The following ARHGAP10 variants were observed in gnomAD, a reference collection of about 807,000 sequenced individuals.
ARHGAP10 encodes the protein rho GTPase-activating protein 10.
In ARHGAP10, 87 loss-of-function variants were observed where a neutral mutation model predicts 108.6. The ratio of observed to expected loss-of-function variants is 0.80; its 90% CI spans 0.67 to 0.96. The LOEUF (loss-of-function observed/expected upper bound fraction) is 0.96. Ranked by LOEUF, ARHGAP10 falls within the 40% of genes least tolerant of loss-of-function variation. ARHGAP10 has a pLI of 0.00. For synonymous variants in ARHGAP10, 347 were observed against 341.1 expected, an observed-to-expected ratio of 1.02 and a Z score of -0.19; for missense variants, 939 against 954.5, an observed-to-expected ratio of 0.98 and a Z score of 0.21.
At chr4:147,796,278 C>T (rs1731313711) in intron 1 of ARHGAP10, among the ~76,000 whole-genome samples, 1 of 151,984 alleles carries the variant, frequency 6.6e-6, no homozygotes, top group Non-Finnish European at 1.5e-5. Flanking sequence ...TAATCCTTGC[C>T]CTTGGGGAAT....
chr4:147,898,388 GTCTCTCC>G (rs1399186731), intron 10 of ARHGAP10, among the ~76,000 whole-genome samples: 1 of 151,644 alleles, frequency 6.6e-6, no homozygotes, highest in Non-Finnish European at 1.5e-5. Context: ...TTTCTTATCA[GTCTCTCC>G]TCTCTCCTCT....
intron 13 of ARHGAP10, among the ~76,000 whole-genome samples, chr4:147,916,375 T>C (rs1395161657): frequency 6.6e-6 from 1 of 152,208 alleles, no homozygotes; most frequent in Non-Finnish European, 1.5e-5. Context: ...TTTTATGGCA[T>C]TTTTCTTAAG....
intron 18 of ARHGAP10, among the ~76,000 whole-genome samples, chr4:147,998,762 A>C (rs1317884662): frequency 6.6e-6 from 1 of 152,252 alleles, no homozygotes; most frequent in Non-Finnish European, 1.5e-5. Flanking sequence ...AATTTACATT[A>C]ATTCGTGATA....
In ARHGAP10 at chr4:148,031,934, C is replaced by T. The variant is rs185411810; in HGVS notation, c.1867+8521C>T. 7.0e-4 allele frequency among the ~76,000 whole-genome samples: 107 copies of T among 152,250 alleles called. 1 individual carries two copies. In the East Asian group the frequency reaches 0.019, roughly 27 times the overall value. ...CATTTTATTGTAATTTATGCCACCA[C>T]TTACCTAAATGAACAAACATCTGGT... On this transcript the variant is annotated intron_variant, in intron 19 of 22. Transcript: ENST00000336498.
At chr4:147,880,614 G>A (rs1195391899) in intron 9 of ARHGAP10, among the ~76,000 whole-genome samples, 1 of 152,168 alleles carries the variant, frequency 6.6e-6, no homozygotes, top group Non-Finnish European at 1.5e-5. Flanking sequence ...AGATCTTCAC[G>A]TTCTGGAAAA....
intron 1 of ARHGAP10, among the ~76,000 whole-genome samples, chr4:147,766,707 CA>C: frequency 6.9e-6 from 1 of 144,380 alleles, no homozygotes; most frequent in Non-Finnish European, 1.5e-5. Context: ...GACTCCATCT[CA>C]AAAAATATAT....
chr4:148,058,759 C>T (rs1159104906), intron 20 of ARHGAP10, among the ~76,000 whole-genome samples: 2 of 152,234 alleles, frequency 1.3e-5, no homozygotes, highest in Non-Finnish European at 2.9e-5. Flanking sequence ...AAAGTAACCA[C>T]ATATACAGCA....
rs76769475 is a variant in ARHGAP10 at position 147,839,270 on chromosome 4, A to C, written c.313-7881A>C. Among the ~76,000 whole-genome samples, 688 of 152,280 alleles carry C rather than the reference A, an allele frequency of 4.5e-3. 9 individuals carry two copies. The South Asian group carries it at 0.048, about 11-fold the overall frequency. ...GCTATTCTTGACATTAGAATTGGAAAACAGAATTTTCCCTTTAGTTTAATG... is the reference window on the plus strand; with the variant it reads ...GCTATTCTTGACATTAGAATTGGAACACAGAATTTTCCCTTTAGTTTAATG... On this transcript the variant is annotated intron_variant, in intron 3 of 22. Transcript: ENST00000336498.
intron 1 of ARHGAP10, among the ~76,000 whole-genome samples, chr4:147,752,361 A>G (rs1330335502): frequency 6.6e-6 from 1 of 152,210 alleles, no homozygotes; most frequent in Non-Finnish European, 1.5e-5. Context: ...ATTAAAAGTT[A>G]TAGGAAAGGA....
chr4:148,064,616 C>G, intron 22 of ARHGAP10, 109 bp downstream of exon 22: 1 of 962,538 alleles, frequency 1.0e-6, no homozygotes, highest in East Asian at 2.5e-5. Context: ...GGCGAGTCTC[C>G]CCCTTGATGC....
chr4:147,920,429 C>A (rs1270459089), intron 13 of ARHGAP10, among the ~76,000 whole-genome samples: 2 of 151,452 alleles, frequency 1.3e-5, no homozygotes, highest in East Asian at 3.9e-4. Context: ...AACAAAAAAC[C>A]CAAAATCCCT....
At chr4:147,823,881 G>A (rs1732602068) in intron 3 of ARHGAP10, among the ~76,000 whole-genome samples, 1 of 152,196 alleles carries the variant, frequency 6.6e-6, no homozygotes, top group Admixed American at 6.5e-5. Flanking sequence ...TGTAAATTTT[G>A]GGGTTATTGA....
chr4:147,873,325 A>G (rs760551163), intron 7 of ARHGAP10, among the ~76,000 whole-genome samples: 3 of 152,194 alleles, frequency 2.0e-5, no homozygotes, highest in Non-Finnish European at 4.4e-5. Context: ...GAGCATGAAC[A>G]TAAATAATAG....
chr4:147,971,017 C>A (rs1739384947), intron 18 of ARHGAP10, among the ~76,000 whole-genome samples: 1 of 148,966 alleles, frequency 6.7e-6, no homozygotes, highest in East Asian at 2.0e-4. Flanking sequence ...TGCTTGAACC[C>A]AGGAGGTGGA....
At position 147,860,737 on chromosome 4, in the gene ARHGAP10, A is replaced by C. The variant is rs115333318; in HGVS notation, c.486+3083A>C. ...TCTACTTGAGAAGCAGATTTCCTAA[A>C]TAACTTTATGTGAGACTTGTCTACT... On this transcript the variant is annotated intron_variant, in intron 5 of 22. Transcript: ENST00000336498. Among the ~76,000 whole-genome samples the C allele has an allele frequency of 5.7e-3, 869 of 152,316 alleles. 10 individuals are homozygous for C. The highest frequency in any genetic ancestry group is 0.02 in the African/African-American group (820 of 41,566).
At chr4:147,943,743 A>C (rs1009842906) in intron 14 of ARHGAP10, among the ~76,000 whole-genome samples, 12 of 152,208 alleles carry the variant, frequency 7.9e-5, no homozygotes, top group African/African-American at 2.9e-4. Flanking sequence ...TGAACCCTCC[A>C]AATGTATTTT....
intron 19 of ARHGAP10, among the ~76,000 whole-genome samples, chr4:148,036,938 C>G (rs761083864): frequency 6.6e-6 from 1 of 152,104 alleles, no homozygotes; most frequent in African/African-American, 2.4e-5. Flanking sequence ...TGTGAAGAAA[C>G]AAGGCTGTTC....
chr4:148,035,081 A>G (rs75181114), intron 19 of ARHGAP10, among the ~76,000 whole-genome samples: 2,191 of 152,304 alleles, frequency 0.014, 24 homozygotes, highest in Admixed American at 0.02. Context: ...CTGGAGTTGT[A>G]ACCTGATGCC....
chr4:147,784,046 T>G (rs1465920273), intron 1 of ARHGAP10, among the ~76,000 whole-genome samples: 1 of 143,426 alleles, frequency 7.0e-6, no homozygotes, highest in African/African-American at 2.5e-5. Context: ...AATTATATAT[T>G]ATATATTTTA....
Sources: gnomAD v4.1 joint callset for allele counts (sites outside exome capture counted in the v4.1 genomes callset) on GRCh38, gnomAD v4.1.1 for gene constraint, MANE v1.5 for transcripts, NCBI Gene and HGNC (gene_info 2026-07-23, HGNC 2026-07-21) for gene names.